Variants in NOL4 observed in about 807,000 individuals in gnomAD.
NOL4 encodes nucleolar protein 4.
NOL4 carries 17 observed loss-of-function variants against 75.9 expected under a neutral mutation model. The observed-to-expected ratio is 0.22, with a 90% confidence interval of 0.15 to 0.34. NOL4 has a LOEUF of 0.34. Ranked by LOEUF, NOL4 falls within the 10% of genes least tolerant of loss-of-function variation. The pLI is 1.00. For synonymous variants in NOL4, 292 were observed against 289.9 expected (o/e 1.01, Z -0.07); for missense variants, 614 against 793.5 (o/e 0.77, Z 2.72).
chr18:33,986,827 C>T (rs1954212057), intron 6 of NOL4, among the ~76,000 whole-genome samples: 1 of 152,144 alleles, frequency 6.6e-6, no homozygotes, highest in South Asian at 2.1e-4. Context: ...ATGTTTACAG[C>T]CACTTTATTT....
At chr18:33,954,494 TAGAAGA>T (rs968059499) in intron 8 of NOL4, among the ~76,000 whole-genome samples, 1 of 151,948 alleles carries the variant, frequency 6.6e-6, no homozygotes, top group Non-Finnish European at 1.5e-5. Flanking sequence ...ACTCAGATTG[TAGAAGA>T]AGAAGAAGAG....
rs568431312 is a variant in NOL4 at position 34,198,048 on chromosome 18, A to G, written c.264+24942T>C. Among the ~76,000 whole-genome samples the G allele has an allele frequency of 1.4e-4, 21 of 152,062 alleles. No individual in the cohort carries two copies. The South Asian group carries it at 2.1e-3, about 15-fold the overall frequency. Reference sequence around the variant, plus strand: ...AGACACCAAATCACAAGGAGAATACAGTGAAACCTAGTCATGTCACAGTGA... The same window carrying G: ...AGACACCAAATCACAAGGAGAATACGGTGAAACCTAGTCATGTCACAGTGA... On this transcript the variant is annotated intron_variant, in intron 1 of 10. Coordinates refer to ENST00000261592, the MANE Select transcript of NOL4 (RefSeq NM_003787.5).
intron 10 of NOL4, among the ~76,000 whole-genome samples, chr18:33,859,934 A>C (rs542672204): frequency 6.6e-6 from 1 of 152,220 alleles, no homozygotes; most frequent in South Asian, 2.1e-4. Context: ...AAATAAATAA[A>C]ATGAAAATAA....
intron 1 of NOL4, among the ~76,000 whole-genome samples, chr18:34,191,978 C>T (rs2034954132): frequency 6.6e-6 from 1 of 152,154 alleles, no homozygotes; most frequent in South Asian, 2.1e-4. Context: ...GCATGCTCCT[C>T]CTGCAATTAC....
intron 1 of NOL4, among the ~76,000 whole-genome samples, chr18:34,149,592 T>G (rs867573873): frequency 6.6e-6 from 1 of 151,650 alleles, no homozygotes; most frequent in Non-Finnish European, 1.5e-5. Flanking sequence ...GTGAGAGAGA[T>G]ATCAAAACTT....
Position 34,093,460 on chromosome 18 carries a change from C to T in NOL4, c.772+5G>A. On this transcript the variant is annotated splice_donor_5th_base_variant and intron_variant, in intron 5 of 10. Transcript: ENST00000261592. ...TTGCTTATTTAGTCAAACTGAAAGG[C>T]TTACCATCTTGCTGGCCATGAAGAT... is the stretch of plus-strand genomic sequence containing the variant. 6.3e-7 allele frequency: 1 copy of T among 1,575,952 alleles called. No homozygotes were observed. Among genetic ancestry groups the T allele is most frequent in the South Asian group, 1.2e-5 (1 of 85,036 alleles).
intron 10 of NOL4, among the ~76,000 whole-genome samples, chr18:33,879,267 T>A (rs1455293610): frequency 1.3e-5 from 2 of 152,118 alleles, no homozygotes; most frequent in Non-Finnish European, 2.9e-5. Flanking sequence ...ACATAAACTT[T>A]TTTTAAAAAG....
At chr18:34,087,525 C>CA (rs2078296665) in intron 5 of NOL4, among the ~76,000 whole-genome samples, 1 of 151,948 alleles carries the variant, frequency 6.6e-6, no homozygotes, top group Admixed American at 6.6e-5. Flanking sequence ...AAAGCTTGAA[C>CA]CATCAGTTCA....
chr18:34,172,658 C>G (rs1243684736), intron 1 of NOL4, among the ~76,000 whole-genome samples: 1 of 152,062 alleles, frequency 6.6e-6, no homozygotes, highest in Non-Finnish European at 1.5e-5. Context: ...CACCAAGGTT[C>G]CCTTTTCTCC....
intron 1 of NOL4, among the ~76,000 whole-genome samples, chr18:34,198,829 T>C (rs2035524734): frequency 6.6e-6 from 1 of 151,864 alleles, no homozygotes; most frequent in African/African-American, 2.4e-5. Context: ...TGTCAAATGT[T>C]GCTTTATATA....
At chr18:33,914,912 C>A (rs899354955) in intron 9 of NOL4, among the ~76,000 whole-genome samples, 1 of 151,906 alleles carries the variant, frequency 6.6e-6, no homozygotes, top group Admixed American at 6.6e-5. Flanking sequence ...CCTGGCTGGG[C>A]ATATCAATTT....
intron 6 of NOL4, among the ~76,000 whole-genome samples, chr18:33,977,817 G>A (rs532262162): frequency 7.2e-5 from 11 of 152,146 alleles, no homozygotes; most frequent in Non-Finnish European, 1.3e-4. Context: ...CAATCTCAGT[G>A]ACTAAATACA....
intron 4 of NOL4, among the ~76,000 whole-genome samples, chr18:34,099,797 A>C (rs887183995): frequency 6.6e-6 from 1 of 152,128 alleles, no homozygotes; most frequent in Non-Finnish European, 1.5e-5. Flanking sequence ...ATACCCTTAT[A>C]TAACACTTCT....
intron 1 of NOL4, among the ~76,000 whole-genome samples, chr18:34,219,869 G>A (rs1308095341): frequency 1.3e-5 from 2 of 152,246 alleles, no homozygotes; most frequent in Non-Finnish European, 2.9e-5. Context: ...TGGCTGAGTT[G>A]CCGGATGTTG....
intron 1 of NOL4, among the ~76,000 whole-genome samples, chr18:34,209,717 A>G (rs886763494): frequency 2.0e-5 from 3 of 152,208 alleles, no homozygotes; most frequent in African/African-American, 7.2e-5. Context: ...GAGAAATAGA[A>G]CTGCTAAATA....
chr18:34,154,044 A>G (rs1450584990), intron 1 of NOL4, among the ~76,000 whole-genome samples: 1 of 152,006 alleles, frequency 6.6e-6, no homozygotes, highest in African/African-American at 2.4e-5. Flanking sequence ...GTGTCCAGCT[A>G]ACATTCAGAG....
At chr18:34,016,708 C>A (rs1485624746) in intron 6 of NOL4, among the ~76,000 whole-genome samples, 2 of 152,084 alleles carry the variant, frequency 1.3e-5, no homozygotes, top group Non-Finnish European at 2.9e-5. Context: ...TTCCTCTGTT[C>A]TTTCATTTCA....
At chr18:33,928,627 T>C (rs915759058) in intron 9 of NOL4, among the ~76,000 whole-genome samples, 1 of 152,180 alleles carries the variant, frequency 6.6e-6, no homozygotes, top group Non-Finnish European at 1.5e-5. Flanking sequence ...TATATATTGA[T>C]ATATCATTAC....
At chr18:33,977,715 T>C (rs2071613718) in intron 6 of NOL4, among the ~76,000 whole-genome samples, 2 of 152,356 alleles carry the variant, frequency 1.3e-5, no homozygotes, top group African/African-American at 4.8e-5. Flanking sequence ...GTTGACGTCA[T>C]GTGACATATA....
Sources: gnomAD v4.1 joint callset for allele counts (sites outside exome capture counted in the v4.1 genomes callset) on GRCh38, gnomAD v4.1.1 for gene constraint, MANE v1.5 for transcripts, NCBI Gene and HGNC (gene_info 2026-07-23, HGNC 2026-07-21) for gene names.